Variants in TASOR observed in about 807,000 individuals in gnomAD.
TASOR encodes the protein protein TASOR.
TASOR carries 53 observed loss-of-function variants against 178.6 expected under a neutral mutation model. The observed-to-expected ratio is 0.30, with a 90% CI of 0.24 to 0.37. TASOR has a LOEUF of 0.37. TASOR is among the 10% of genes least tolerant of loss of function. The probability of loss-of-function intolerance (pLI) is 1.00; values close to 1 mark genes in which losing one functional copy is unlikely to be tolerated. For missense variants in TASOR, 1,815 were observed against 1,971.4 expected (o/e 0.92, Z 1.50); for synonymous variants, 713 against 696.2 (o/e 1.02, Z -0.38).
At chr3:56,638,622 G>T in intron 17 of TASOR, 84 bp downstream of exon 17, 1 of 1,384,748 alleles carries the variant, frequency 7.2e-7, no homozygotes, top group Non-Finnish European at 1.0e-6. Context: ...TTAAGTCAAT[G>T]CCCTATTGAT....
At chr3:56,639,849 G>A (rs992994666) in intron 16 of TASOR, 137 bp downstream of exon 16, 13 of 693,040 alleles carry the variant, frequency 1.9e-5, no homozygotes, top group Admixed American at 3.2e-5. Context: ...CTCAAAATAA[G>A]ACACTGAAGA....
chr3:56,636,930 T>C (rs1156981775), intron 17 of TASOR, among the ~76,000 whole-genome samples: 1 of 151,820 alleles, frequency 6.6e-6, no homozygotes, highest in African/African-American at 2.4e-5. Flanking sequence ...TCCCAACACT[T>C]TGGGAGGCCA....
At chr3:56,682,637 G>GGA (rs756823428) in intron 1 of TASOR, 39 bp downstream of exon 1, 16 of 1,415,464 alleles carry the variant, frequency 1.1e-5, no homozygotes, top group South Asian at 3.1e-5. Flanking sequence ...AAGATGGAGG[G>GGA]GAGAGAGAGA....
At chr3:56,636,389 TTGGTGG>T (rs200093726) in intron 17 of TASOR, among the ~76,000 whole-genome samples, 15 of 150,208 alleles carry the variant, frequency 1.0e-4, no homozygotes, top group Admixed American at 4.0e-4. Flanking sequence ...GCTTTTGTTG[TTGGTGG>T]TGGTGGTGGT....
chr3:56,671,734 T>A (rs928764163), intron 2 of TASOR, 42 bp from the exon 3 acceptor site: 3 of 1,409,718 alleles, frequency 2.1e-6, no homozygotes, highest in Admixed American at 4.7e-5. Context: ...AGCATGTGAT[T>A]ATGTTTTTCA....
At chr3:56,666,571 C>T (rs1186469736) in intron 6 of TASOR, among the ~76,000 whole-genome samples, 187 bp from the exon 7 acceptor site, 3 of 152,108 alleles carry the variant, frequency 2.0e-5, no homozygotes, top group Admixed American at 2.0e-4. Flanking sequence ...ATAAAATATT[C>T]TGCATCTAAG....
intron 11 of TASOR, among the ~76,000 whole-genome samples, chr3:56,657,991 T>C (rs917834470): frequency 4.6e-5 from 7 of 152,202 alleles, no homozygotes; most frequent in Non-Finnish European, 8.8e-5. Context: ...GGAGGGCCAA[T>C]ACATTTTTAC....
intron 4 of TASOR, 108 bp downstream of exon 4, chr3:56,669,965 C>T (rs2030501852): frequency 1.1e-6 from 1 of 911,516 alleles, no homozygotes; most frequent in East Asian, 2.7e-5. Flanking sequence ...TTTCTGGGAA[C>T]ATAATAAAGC....
intron 5 of TASOR, among the ~76,000 whole-genome samples, chr3:56,668,814 A>C (rs2030345656): frequency 6.6e-6 from 1 of 152,122 alleles, no homozygotes; most frequent in Non-Finnish European, 1.5e-5. Flanking sequence ...TCTACTAAAA[A>C]TACAAAAATT....
chr3:56,651,977 C>T (rs1054173532), intron 11 of TASOR, among the ~76,000 whole-genome samples: 9 of 152,058 alleles, frequency 5.9e-5, no homozygotes, highest in Non-Finnish European at 5.9e-5. Flanking sequence ...ATTATCTACA[C>T]AATGAAAGCA....
intron 17 of TASOR, among the ~76,000 whole-genome samples, chr3:56,637,837 C>G (rs750659516): frequency 2.0e-5 from 3 of 151,922 alleles, no homozygotes; most frequent in African/African-American, 4.8e-5. Context: ...TGCCTATGAC[C>G]ATCTGCAGAG....
intron 11 of TASOR, among the ~76,000 whole-genome samples, chr3:56,656,645 G>T (rs1382879456): frequency 2.6e-5 from 4 of 151,268 alleles, no homozygotes; most frequent in Non-Finnish European, 5.9e-5. Flanking sequence ...ATCAAAAAAT[G>T]TAAGACAGCT....
Position 56,627,595 on chromosome 3 carries a change from C to A in TASOR, c.4017G>T (p.Glu1339Asp). 1.9e-6 allele frequency: 3 copies of A among 1,613,994 alleles called. No individual in the cohort carries two copies. Among genetic ancestry groups the A allele is most frequent in the Non-Finnish European group, 2.5e-6 (3 of 1,179,950 alleles). The stretch of plus-strand genomic sequence containing the variant: ...ACATCATCTTACCAACTGTGACAAC[C>A]TCTGGGTTTAGAATTGATTCATCAG... ...IVSDESILNP[E>D]VVTVENLKNF... is the part of the protein sequence containing the mutation. Residue 1339 changes from glutamate to aspartate, a missense_variant, in exon 20 of 24, where the codon GAG becomes GAT. Around this residue, in one of 5 missense-constraint regions of TASOR, gnomAD observed 134 missense variants for 195.2 expected, o/e 0.69. Transcript: ENST00000683822.
chr3:56,680,291 C>A (rs2031674510), intron 1 of TASOR, among the ~76,000 whole-genome samples: 1 of 152,096 alleles, frequency 6.6e-6, no homozygotes, highest in African/African-American at 2.4e-5. Flanking sequence ...GAGATTTAGT[C>A]AATGTATGTA....
At chr3:56,625,683 G>A (rs1244479502) in intron 21 of TASOR, among the ~76,000 whole-genome samples, 1 of 151,750 alleles carries the variant, frequency 6.6e-6, no homozygotes, top group Non-Finnish European at 1.5e-5. Context: ...ATGGCTCTAA[G>A]CTATTTCTTT....
chr3:56,622,911 G>T lies in TASOR; in HGVS notation c.*126C>A. ...TTTTTAGATGCTTCAACTGTTACAG[G>T]CCATCATGATTTAAATAAAAGAAAA... On this transcript the variant is annotated 3_prime_UTR_variant, in exon 24 of 24. Coordinates refer to ENST00000683822, the MANE Select transcript of TASOR (RefSeq NM_001365635.2). 1 of 539,334 alleles carries T rather than the reference G, an allele frequency of 1.9e-6. No homozygotes were observed. 33.4% of individuals were successfully genotyped at this position (539,334 alleles called of 1,614,324 possible). A position where few individuals can be genotyped will look rare whatever the true frequency, so the allele number is the denominator to read the frequency against.
chr3:56,624,882 G>A lies in TASOR; in HGVS notation c.4264C>T (p.Leu1422Phe). 1.9e-6 allele frequency: 3 copies of A among 1,614,144 alleles called. 1 individual carries two copies. The South Asian group carries it at 3.3e-5, about 18-fold the overall frequency. The change falls in exon 22 of 24, where the codon CTT becomes TTT. Residue 1422 changes from leucine to phenylalanine, a missense_variant. Around this residue, in one of 5 missense-constraint regions of TASOR, gnomAD observed 134 missense variants for 195.2 expected, o/e 0.69. Coordinates refer to ENST00000683822, the MANE Select transcript of TASOR (RefSeq NM_001365635.2). ...QTRNAPELDC[L>F]IRLQAQNIQQ... ...ATGTTCTGAGCCTGAAGTCTGATAA[G>A]GCAATCCAATTCTGGAGCATTTCGA...
chr3:56,682,812 G>A lies in TASOR; in HGVS notation c.195C>T (p.Ala65=), dbSNP rs1052714812. ...AGREENAGAE[A]AQSLSHEQPQ... is the part of the protein sequence containing the mutation. ...GCTGCTCGTGGCTGAGGCTCTGGGC[G>A]GCCTCGGCCCCCGCGTTCTCCTCAC... The change falls in exon 1 of 24, where the codon GCC becomes GCT. Residue 65 remains alanine (A), a synonymous_variant. Transcript: ENST00000683822. 2.6e-6 allele frequency: 4 copies of A among 1,550,268 alleles called. No individual in the cohort carries two copies. The highest frequency in any genetic ancestry group is 2.0e-5 in the Admixed American group (1 of 50,922).
rs377311975 is a variant in TASOR, at chr3:56,649,067, G to A, written c.1369-10C>T. 19 of 1,592,970 alleles carry A rather than the reference G, an allele frequency of 1.2e-5. No homozygotes were observed. Among genetic ancestry groups the A allele is most frequent in the Non-Finnish European group, 1.6e-5 (19 of 1,171,040 alleles). ...AAGGTTTAACAAGAACCTGTATTTT[G>A]AGGGGAAGGAAGAAGTTGTATCTGC... On this transcript the variant is annotated splice_polypyrimidine_tract_variant and intron_variant, in intron 11 of 23. Transcript: ENST00000683822.
Sources: gnomAD v4.1 joint callset for allele counts (sites outside exome capture counted in the v4.1 genomes callset) on GRCh38, gnomAD v4.1.1 for gene constraint, gnomAD v4.1.1 regional missense constraint, MANE v1.5 for transcripts, NCBI Gene and HGNC (gene_info 2026-07-23, HGNC 2026-07-21) for gene names.